Variants in PTPRZ1 observed in about 807,000 individuals in gnomAD.
PTPRZ1 encodes the protein protein tyrosine phosphatase receptor type Z1.
A neutral mutation model predicts 214.1 loss-of-function variants in PTPRZ1; 82 were observed. The ratio of observed to expected loss-of-function variants is 0.38; its 90% CI spans 0.32 to 0.46. PTPRZ1 has a LOEUF of 0.46. Ranked by LOEUF, PTPRZ1 falls within the 20% of genes least tolerant of loss-of-function variation. The pLI is 1.00. For missense variants in PTPRZ1, 2,603 were observed against 2,748.7 expected (o/e 0.95, Z 1.19); for synonymous variants, 945 against 987.9 (o/e 0.96, Z 0.81).
At chr7:121,931,932 G>T (rs766554324) in intron 2 of PTPRZ1, among the ~76,000 whole-genome samples, 36 of 152,146 alleles carry the variant, frequency 2.4e-4, no homozygotes, top group Admixed American at 9.8e-4. Context: ...TTGTTGTAGG[G>T]GGGTGGGGTG....
intron 1 of PTPRZ1, among the ~76,000 whole-genome samples, chr7:121,917,241 G>A (rs574848551): frequency 6.6e-6 from 1 of 152,214 alleles, no homozygotes; most frequent in Non-Finnish European, 1.5e-5. Context: ...AGCAAAATCA[G>A]TGATGAATAT....
At chr7:121,983,059 C>T (rs921427981) in intron 6 of PTPRZ1, among the ~76,000 whole-genome samples, 14 of 152,286 alleles carry the variant, frequency 9.2e-5, no homozygotes, top group Non-Finnish European at 1.6e-4. Context: ...CCACCACGCC[C>T]GGCCTGTAAA....
chr7:121,880,705 T>C (rs1393448578), intron 1 of PTPRZ1, among the ~76,000 whole-genome samples: 1 of 152,178 alleles, frequency 6.6e-6, no homozygotes, highest in African/African-American at 2.4e-5. Flanking sequence ...ATAAGGAAGT[T>C]TTTAGATTTT....
Position 121,939,253 on chromosome 7 carries a change from G to A in PTPRZ1, c.124+11032G>A, listed in dbSNP as rs138710226. On this transcript the variant is annotated intron_variant, in intron 2 of 29. Transcript: ENST00000393386. ...AGCATATAAGAAGTAGCTAAAAATC[G>A]TAATGAATTGGAAAACAGGGAAGGC... Among the ~76,000 whole-genome samples, 579 of 152,254 alleles carry A rather than the reference G, an allele frequency of 3.8e-3. 3 individuals carry two copies. Among genetic ancestry groups the A allele is most frequent in the African/African-American group, 0.012 (518 of 41,550 alleles).
chr7:121,969,437 C>T (rs1241079366), intron 3 of PTPRZ1, among the ~76,000 whole-genome samples: 1 of 151,740 alleles, frequency 6.6e-6, no homozygotes, highest in African/African-American at 2.4e-5. Flanking sequence ...TGGTGCATGC[C>T]TGTAATCCCA....
At chr7:121,929,064 T>C (rs1795847437) in intron 2 of PTPRZ1, among the ~76,000 whole-genome samples, 1 of 152,220 alleles carries the variant, frequency 6.6e-6, no homozygotes, top group African/African-American at 2.4e-5. Context: ...ATTTTGTAGA[T>C]AAGGATGTAT....
At chr7:121,960,238 A>G (rs1339879355) in intron 2 of PTPRZ1, among the ~76,000 whole-genome samples, 2 of 152,040 alleles carry the variant, frequency 1.3e-5, no homozygotes, top group Non-Finnish European at 2.9e-5. Context: ...ATGGGGTTTC[A>G]CTATGTTGGC....
chr7:121,987,441 G>A (rs1181131244), intron 8 of PTPRZ1, among the ~76,000 whole-genome samples: 2 of 152,116 alleles, frequency 1.3e-5, no homozygotes, highest in African/African-American at 4.8e-5. Flanking sequence ...GGGATTGCTG[G>A]GTCAAACGGT....
chr7:121,893,119 A>G (rs1314530334), intron 1 of PTPRZ1, among the ~76,000 whole-genome samples: 1 of 151,998 alleles, frequency 6.6e-6, no homozygotes, highest in Non-Finnish European at 1.5e-5. Context: ...TACATTTTTA[A>G]CAATGATTGC....
intron 2 of PTPRZ1, 120 bp from the exon 3 acceptor site, chr7:121,967,831 G>T: frequency 2.9e-6 from 2 of 687,918 alleles, no homozygotes; most frequent in South Asian, 4.0e-5. Context: ...TTAGTTCAAA[G>T]ATGTCAAACA....
At chr7:121,878,824 T>G (rs1233232428) in intron 1 of PTPRZ1, among the ~76,000 whole-genome samples, 1 of 152,164 alleles carries the variant, frequency 6.6e-6, no homozygotes, top group Non-Finnish European at 1.5e-5. Flanking sequence ...ACTTAGCACT[T>G]ACAGTAGGTG....
intron 2 of PTPRZ1, among the ~76,000 whole-genome samples, chr7:121,949,245 A>T (rs994225610): frequency 2.0e-5 from 3 of 152,154 alleles, no homozygotes; most frequent in African/African-American, 7.2e-5. Context: ...AGACAATCAG[A>T]TATGCATTTA....
chr7:121,959,788 G>A (rs762638053), intron 2 of PTPRZ1, among the ~76,000 whole-genome samples: 1 of 152,114 alleles, frequency 6.6e-6, no homozygotes, highest in Non-Finnish European at 1.5e-5. Flanking sequence ...ACTAAAATTT[G>A]AATCCAAGTC....
chr7:121,972,170 T>C (rs546272562), intron 3 of PTPRZ1, among the ~76,000 whole-genome samples: 121 of 151,968 alleles, frequency 8.0e-4, no homozygotes, highest in Non-Finnish European at 1.5e-3. Context: ...TATTTTTTTT[T>C]TTCTTTTAAC....
intron 27 of PTPRZ1, 116 bp from the exon 28 acceptor site, chr7:122,058,684 T>C (rs1792459343): frequency 1.3e-6 from 1 of 762,614 alleles, no homozygotes; most frequent in Non-Finnish European, 2.1e-6. Context: ...CTACTGCTGC[T>C]CACTCATGCC....
chr7:122,039,103 A>G lies in PTPRZ1; in HGVS notation c.5502+214A>G, dbSNP rs183403753. Among the ~76,000 whole-genome samples, 14 of 152,318 alleles carry G rather than the reference A, an allele frequency of 9.2e-5. No individual in the cohort carries two copies. In the East Asian group the frequency reaches 2.5e-3, roughly 27 times the overall value. Reference sequence around the variant, plus strand: ...TATCTGCCTTTTAAACGCATTCTTCATACTGTGGGAGAAGTAAATGGGACT... The same window carrying G: ...TATCTGCCTTTTAAACGCATTCTTCGTACTGTGGGAGAAGTAAATGGGACT... On this transcript the variant is annotated intron_variant, in intron 19 of 29. Coordinates refer to ENST00000393386, the MANE Select transcript of PTPRZ1 (RefSeq NM_002851.3).
chr7:122,031,528 A>G lies in PTPRZ1; in HGVS notation c.5135A>G (p.His1712Arg), dbSNP rs1470879668. 3 of 1,610,590 alleles carry G rather than the reference A, an allele frequency of 1.9e-6. No homozygotes were observed. The highest frequency in any genetic ancestry group is 2.2e-5 in the East Asian group (1 of 44,700). ...KHFPKHVADL[H>R]ASSGFTEEFE... Reference sequence around the variant, plus strand: ...TTTCCAAAGCATGTTGCAGATTTACATGCAAGTAGTGGGTTTACTGAAGAA... The same window carrying G: ...TTTCCAAAGCATGTTGCAGATTTACGTGCAAGTAGTGGGTTTACTGAAGAA... The change falls in exon 15 of 30, where the codon CAT becomes CGT. Residue 1712 changes from histidine to arginine, a missense_variant. His to Arg is a conservative substitution (Grantham distance 29). This residue lies in a region of PTPRZ1 where 1,913 missense variants were observed against 1,914.3 expected (regional missense o/e 1.00). Coordinates refer to ENST00000393386, the MANE Select transcript of PTPRZ1 (RefSeq NM_002851.3).
At chr7:122,052,083 C>A in intron 25 of PTPRZ1, 144 bp downstream of exon 25, 1 of 605,826 alleles carries the variant, frequency 1.7e-6, no homozygotes, top group Non-Finnish European at 2.8e-6. Context: ...GCCCACAGTC[C>A]ACAGCAACAG....
chr7:121,974,371 A>T (rs933541597), intron 4 of PTPRZ1, among the ~76,000 whole-genome samples: 4 of 152,194 alleles, frequency 2.6e-5, no homozygotes, highest in Non-Finnish European at 5.9e-5. Context: ...AATTCTATCA[A>T]CAAGAGCCCT....
Sources: gnomAD v4.1 joint callset for allele counts (sites outside exome capture counted in the v4.1 genomes callset) on GRCh38, gnomAD v4.1.1 for gene constraint, gnomAD v4.1.1 regional missense constraint, MANE v1.5 for transcripts, NCBI Gene and HGNC (gene_info 2026-07-23, HGNC 2026-07-21) for gene names.